Variants in N4BP1 observed in about 807,000 individuals in gnomAD.
The protein encoded by N4BP1 is NEDD4 binding protein 1.
A neutral mutation model predicts 70.9 loss-of-function variants in N4BP1; 21 were observed. That is an observed-to-expected ratio of 0.30 (90% confidence interval 0.21 to 0.43). N4BP1 has a LOEUF of 0.43. Among genes scored for constraint, N4BP1 ranks in the 20% least tolerant of loss-of-function variants. The pLI, the probability that N4BP1 is intolerant of heterozygous loss-of-function variation, is 1.00. For synonymous variants in N4BP1, 387 were observed against 394.6 expected (o/e 0.98, Z 0.23); for missense variants, 936 against 1,069.4 (o/e 0.88, Z 1.74).
At position 48,562,273 on chromosome 16, in the gene N4BP1, C is replaced by T; in HGVS notation, c.370G>A (p.Ala124Thr). ...CTCCTAGCCATGACCACAGCCTCAG[C>T]ACTTCCTCTGATGCCAAGAAGGCCA... ...DIGLLGIRGS[A>T]EAVVMARSHI... Residue 124 changes from alanine (A) to threonine (T), a missense_variant, in exon 2 of 7, where the codon GCT becomes ACT. Around this residue, in one of 4 missense-constraint regions of N4BP1, gnomAD observed 187 missense variants for 217.1 expected, o/e 0.86. Coordinates refer to ENST00000262384, the MANE Select transcript of N4BP1 (RefSeq NM_153029.4). 2 of 1,613,954 alleles carry T rather than the reference C, an allele frequency of 1.2e-6. No individual in the cohort carries two copies. The highest frequency in any genetic ancestry group is 1.7e-6 in the Non-Finnish European group (2 of 1,179,876).
chr16:48,564,933 G>C (rs938387927), intron 1 of N4BP1, among the ~76,000 whole-genome samples: 1 of 152,178 alleles, frequency 6.6e-6, no homozygotes, highest in African/African-American at 2.4e-5. Context: ...TGATTGTACA[G>C]TGTTGTACTT....
At position 48,551,478 on chromosome 16, in the gene N4BP1, C is replaced by T. The variant is rs758376284; in HGVS notation, c.2025G>A (p.Gln675=). 1.7e-5 allele frequency: 28 copies of T among 1,609,596 alleles called. No homozygotes were observed. The highest frequency in any genetic ancestry group is 2.3e-5 in the Non-Finnish European group (27 of 1,176,870). ...GCTCCTGGAGCTGGGTTAAGAAGTGCTGTTCTGTTCATGGAATAAGTTGAA... is the reference window on the plus strand; with the variant it reads ...GCTCCTGGAGCTGGGTTAAGAAGTGTTGTTCTGTTCATGGAATAAGTTGAA... ...RTRRDPNVTE[Q]HFLTQLQELG... Residue 675 remains glutamine (Q), a synonymous_variant, in exon 4 of 7, where the codon CAG becomes CAA. Transcript: ENST00000262384.
At chr16:48,604,571 A>G (rs1964548607) in intron 1 of N4BP1, among the ~76,000 whole-genome samples, 1 of 138,676 alleles carries the variant, frequency 7.2e-6, no homozygotes, top group African/African-American at 3.2e-5. Context: ...CAAAAAAACA[A>G]AACAAACAAA....
At chr16:48,598,171 G>C (rs997782542) in intron 1 of N4BP1, among the ~76,000 whole-genome samples, 3 of 152,218 alleles carry the variant, frequency 2.0e-5, no homozygotes, top group African/African-American at 7.2e-5. Flanking sequence ...GGTCTTTTAA[G>C]AATTGCTTAA....
At position 48,561,031 on chromosome 16, in the gene N4BP1, T is replaced by C. The variant is rs200098399; in HGVS notation, c.1612A>G (p.Met538Val). 1 of 1,614,002 alleles carries C rather than the reference T, an allele frequency of 6.2e-7. No homozygotes were observed. Among genetic ancestry groups the C allele is most frequent in the African/African-American group, 1.3e-5 (1 of 75,048 alleles). The part of the protein sequence containing the change: ...QQPEPLLPNN[M>V]KSACEKRLGC... ...AAACGTTTTTCACAGGCAGATTTCATATTATTTGGAAGCAAGGGTTCTGGC... is the reference window on the plus strand; with the variant it reads ...AAACGTTTTTCACAGGCAGATTTCACATTATTTGGAAGCAAGGGTTCTGGC... Residue 538 changes from methionine to valine, a missense_variant, in exon 2 of 7, where the codon ATG becomes GTG. Physicochemically the swap from Met to Val is conservative, Grantham distance 21. Transcript: ENST00000262384.
chr16:48,559,254 A>G (rs1207633504), intron 2 of N4BP1, among the ~76,000 whole-genome samples: 7 of 152,200 alleles, frequency 4.6e-5, no homozygotes, highest in Non-Finnish European at 7.3e-5. Context: ...TTCAAAAATA[A>G]CATTTATTTT....
intron 4 of N4BP1, among the ~76,000 whole-genome samples, chr16:48,549,124 T>TA (rs1263112088): frequency 6.6e-6 from 1 of 152,034 alleles, no homozygotes; most frequent in Non-Finnish European, 1.5e-5. Context: ...ACAAAGATAA[T>TA]AAAAAATAAA....
At chr16:48,544,586 T>C (rs981287811) in intron 6 of N4BP1, among the ~76,000 whole-genome samples, 4 of 152,192 alleles carry the variant, frequency 2.6e-5, no homozygotes, top group South Asian at 2.1e-4. Flanking sequence ...TTAGTTAATG[T>C]CTGTTACCTA....
chr16:48,547,923 G>C (rs771988335), intron 5 of N4BP1, 84 bp downstream of exon 5: 49 of 919,152 alleles, frequency 5.3e-5, no homozygotes, highest in Non-Finnish European at 7.2e-5. Flanking sequence ...AAGGAATATA[G>C]AAAACAAAAC....
At chr16:48,544,208 C>T (rs1963556849) in intron 6 of N4BP1, among the ~76,000 whole-genome samples, 1 of 152,180 alleles carries the variant, frequency 6.6e-6, no homozygotes, top group Non-Finnish European at 1.5e-5. Context: ...ATTAAGTCCT[C>T]GTCTGTGTCA....
intron 1 of N4BP1, among the ~76,000 whole-genome samples, chr16:48,609,446 C>G (rs1301816195): frequency 6.6e-6 from 1 of 152,096 alleles, no homozygotes; most frequent in Admixed American, 6.5e-5. Flanking sequence ...GAACTGACAA[C>G]AACAGGCGAC....
chr16:48,607,615 A>G (rs1213842252), intron 1 of N4BP1, among the ~76,000 whole-genome samples: 5 of 152,158 alleles, frequency 3.3e-5, no homozygotes. Flanking sequence ...ACAGGAATGA[A>G]AGTCTTAACC....
At chr16:48,555,567 T>C (rs550355917) in intron 2 of N4BP1, among the ~76,000 whole-genome samples, 34 of 152,334 alleles carry the variant, frequency 2.2e-4, no homozygotes, top group African/African-American at 8.2e-4. Flanking sequence ...ACACGCAATC[T>C]TGATAATTCA....
chr16:48,604,582 C>CAAA (rs796232892), intron 1 of N4BP1, among the ~76,000 whole-genome samples: 17 of 109,598 alleles, frequency 1.6e-4, no homozygotes, highest in African/African-American at 6.4e-4. Flanking sequence ...AACAAACAAA[C>CAAA]AAAAAAAAAC....
chr16:48,604,617 A>C (rs1964551017), intron 1 of N4BP1, among the ~76,000 whole-genome samples: 1 of 149,784 alleles, frequency 6.7e-6, no homozygotes. Flanking sequence ...AAAAAAACAA[A>C]AACAAAAACT....
At chr16:48,559,195 A>G (rs929349070) in intron 2 of N4BP1, among the ~76,000 whole-genome samples, 1 of 152,174 alleles carries the variant, frequency 6.6e-6, no homozygotes, top group African/African-American at 2.4e-5. Flanking sequence ...GAAAATCCTA[A>G]TAAAAAATTT....
Position 48,560,798 on chromosome 16 carries a change from C to T in N4BP1, c.1845G>A (p.Thr615=), listed in dbSNP as rs745378837. ...KLELKNEPGR[T]DLKHIVIDGS... ...CATCTATAACAATGTGTTTCAAATC[C>T]GTTCTCCCTGGTTCATTTTTTAATT... The change falls in exon 2 of 7, where the codon ACG becomes ACA. Residue 615 remains threonine (T), a synonymous_variant. Coordinates refer to ENST00000262384, the MANE Select transcript of N4BP1 (RefSeq NM_153029.4). The T allele has an allele frequency of 9.3e-6, 15 of 1,612,210 alleles. No individual in the cohort carries two copies. Among genetic ancestry groups the T allele is most frequent in the African/African-American group, 8.0e-5 (6 of 74,794 alleles).
intron 1 of N4BP1, among the ~76,000 whole-genome samples, chr16:48,571,219 A>T (rs956952506): frequency 3.9e-5 from 6 of 152,214 alleles, no homozygotes. Context: ...TACTGTGCAG[A>T]CACTTGGATA....
intron 1 of N4BP1, among the ~76,000 whole-genome samples, chr16:48,575,401 T>C (rs920517189): frequency 6.6e-6 from 1 of 152,226 alleles, no homozygotes; most frequent in Non-Finnish European, 1.5e-5. Flanking sequence ...ACATGATATA[T>C]AAGTTAACTT....
Sources: allele counts gnomAD v4.1 joint callset (sites outside exome capture counted in the v4.1 genomes callset), GRCh38; gene constraint gnomAD v4.1.1; regional missense constraint gnomAD v4.1.1; transcripts MANE v1.5; gene names NCBI Gene and HGNC (gene_info 2026-07-23, HGNC 2026-07-21).